The following NRXN3 variants were observed in gnomAD, a reference collection of about 807,000 sequenced individuals.
NRXN3 encodes neurexin 3, also known as neurexin III.
Under a neutral mutation model 137.6 loss-of-function variants are expected in NRXN3, and 32 were observed. The ratio of observed to expected loss-of-function variants is 0.23; its 90% CI spans 0.18 to 0.31. The LOEUF is 0.31. Among genes scored for constraint, NRXN3 ranks in the 10% least tolerant of loss-of-function variants. The pLI, the probability that NRXN3 is intolerant of heterozygous loss-of-function variation, is 1.00. For synonymous variants in NRXN3, 798 were observed against 784.5 expected (o/e 1.02, Z -0.29); for missense variants, 1,574 against 2,062.5 (o/e 0.76, Z 4.59).
intron 4 of NRXN3, among the ~76,000 whole-genome samples, chr14:78,548,672 T>G (rs934797631): frequency 1.3e-5 from 2 of 152,214 alleles, no homozygotes; most frequent in East Asian, 3.8e-4. Context: ...GTTGTTACAT[T>G]GTCCCCTGCA....
chr14:78,438,977 G>A (rs1007728916), intron 4 of NRXN3, among the ~76,000 whole-genome samples: 2 of 152,006 alleles, frequency 1.3e-5, no homozygotes, highest in African/African-American at 4.8e-5. Flanking sequence ...TGGAGCCAGG[G>A]AGGGAATGAG....
chr14:78,607,971 TG>T (rs2097266475), intron 4 of NRXN3, among the ~76,000 whole-genome samples: 1 of 152,170 alleles, frequency 6.6e-6, no homozygotes, highest in African/African-American at 2.4e-5. Flanking sequence ...CTTGAGAAGT[TG>T]GTTAGTGTGT....
intron 15 of NRXN3, among the ~76,000 whole-genome samples, chr14:79,115,336 A>AAG (rs1568331791): frequency 1.3e-5 from 2 of 151,518 alleles, no homozygotes; most frequent in African/African-American, 4.8e-5. Flanking sequence ...AAAAAAAAAA[A>AAG]AAAAAGAAAA....
At chr14:79,585,114 T>C (rs1410886847) in intron 16 of NRXN3, among the ~76,000 whole-genome samples, 1 of 152,184 alleles carries the variant, frequency 6.6e-6, no homozygotes, top group Non-Finnish European at 1.5e-5. Flanking sequence ...GCATTTGTCA[T>C]CTTAGTATGG....
chr14:78,946,492 G>T (rs2099365526), intron 10 of NRXN3, among the ~76,000 whole-genome samples: 1 of 152,296 alleles, frequency 6.6e-6, no homozygotes, highest in Non-Finnish European at 1.5e-5. Flanking sequence ...AACAGTGAGT[G>T]TATCTTTTTC....
chr14:79,858,764 C>T (rs1453129775), intron 20 of NRXN3, among the ~76,000 whole-genome samples: 4 of 152,134 alleles, frequency 2.6e-5, no homozygotes, highest in Non-Finnish European at 4.4e-5. Context: ...TCTCCTATTA[C>T]TCAAACCTTG....
intron 19 of NRXN3, among the ~76,000 whole-genome samples, chr14:79,709,940 AG>A (rs550310567): frequency 3.6e-4 from 55 of 151,960 alleles, no homozygotes; most frequent in African/African-American, 1.2e-3. Flanking sequence ...GGCAAGGGGG[AG>A]GGGATGACAT....
chr14:79,408,997 G>GT (rs1373427957), intron 15 of NRXN3, among the ~76,000 whole-genome samples: 3 of 151,886 alleles, frequency 2.0e-5, no homozygotes, highest in African/African-American at 7.3e-5. Context: ...ATCTCCTTTG[G>GT]TCTATGGATA....
intron 10 of NRXN3, among the ~76,000 whole-genome samples, chr14:78,824,380 C>T (rs1041311589): frequency 6.6e-6 from 1 of 152,126 alleles, no homozygotes; most frequent in African/African-American, 2.4e-5. Flanking sequence ...GAACCAACCT[C>T]TGGACTCCTC....
chr14:78,669,329 T>C (rs559320942), intron 6 of NRXN3, among the ~76,000 whole-genome samples: 1 of 152,080 alleles, frequency 6.6e-6, no homozygotes, highest in African/African-American at 2.4e-5. Flanking sequence ...CAGACCCCAA[T>C]AGAGAGTTCT....
At chr14:78,370,844 A>C (rs1034247544) in intron 4 of NRXN3, among the ~76,000 whole-genome samples, 3 of 152,216 alleles carry the variant, frequency 2.0e-5, no homozygotes, top group African/African-American at 4.8e-5. Flanking sequence ...CCTGACAATA[A>C]TGGTCTTGAT....
chr14:79,225,955 C>T lies in NRXN3; in HGVS notation c.3262+237814C>T, dbSNP rs374511197. Among the ~76,000 whole-genome samples, 76 of 152,174 alleles carry T rather than the reference C, an allele frequency of 5.0e-4. 3 individuals carry two copies. In the South Asian group the frequency reaches 0.016, roughly 32 times the overall value. On this transcript the variant is annotated intron_variant, in intron 15 of 20. Transcript: ENST00000335750. ...GCTTCTTTGTCCTTTTTTAAAGACT[C>T]ATGTGATTAGATCAGGCCCACCCAG... is the stretch of plus-strand genomic sequence containing the variant.
At chr14:79,504,938 C>T (rs536573205) in intron 16 of NRXN3, among the ~76,000 whole-genome samples, 60 of 151,924 alleles carry the variant, frequency 3.9e-4, no homozygotes, top group Admixed American at 9.8e-4. Flanking sequence ...AAAATGGCTG[C>T]GCTCAGTGGC....
intron 1 of NRXN3, among the ~76,000 whole-genome samples, chr14:78,211,754 C>G (rs1268544120): frequency 6.6e-6 from 1 of 152,148 alleles, no homozygotes; most frequent in Non-Finnish European, 1.5e-5. Context: ...GGAGAGCAGT[C>G]TTGATCAAGA....
intron 15 of NRXN3, among the ~76,000 whole-genome samples, chr14:79,066,662 C>T (rs994407931): frequency 5.3e-5 from 8 of 151,328 alleles, no homozygotes; most frequent in African/African-American, 1.9e-4. Flanking sequence ...TTGTAATTCT[C>T]CTTAAAGAGT....
At chr14:79,816,112 G>A (rs1297325437) in intron 20 of NRXN3, among the ~76,000 whole-genome samples, 1 of 152,136 alleles carries the variant, frequency 6.6e-6, no homozygotes, top group Non-Finnish European at 1.5e-5. Flanking sequence ...AAGTTATTGT[G>A]AGATAAAAAC....
intron 1 of NRXN3, among the ~76,000 whole-genome samples, chr14:78,195,657 C>T (rs565433993): frequency 5.3e-5 from 8 of 152,236 alleles, no homozygotes; most frequent in African/African-American, 1.9e-4. Flanking sequence ...CAACTGCGGG[C>T]GTCTTGGGTG....
chr14:78,702,739 C>G (rs1008878246), intron 6 of NRXN3, among the ~76,000 whole-genome samples: 1 of 152,142 alleles, frequency 6.6e-6, no homozygotes, highest in African/African-American at 2.4e-5. Context: ...CCCCTTTGCC[C>G]AGCCTGAATC....
intron 4 of NRXN3, among the ~76,000 whole-genome samples, chr14:78,321,165 T>C (rs79681756): frequency 0.024 from 3,682 of 152,024 alleles, 205 homozygotes; most frequent in African/African-American, 0.085. Flanking sequence ...CCCTAAATTA[T>C]CCCTGCTGGG....
Sources: gnomAD v4.1 joint callset for allele counts (sites outside exome capture counted in the v4.1 genomes callset) on GRCh38, gnomAD v4.1.1 for gene constraint, MANE v1.5 for transcripts, NCBI Gene and HGNC (gene_info 2026-07-23, HGNC 2026-07-21) for gene names.